ZC3H11A: variants seen among roughly 807,000 people sequenced by gnomAD.
ZC3H11A encodes zinc finger CCCH domain-containing protein 11A.
In ZC3H11A, 22 loss-of-function variants were observed where a neutral mutation model predicts 90.8. The observed-to-expected ratio is 0.24, with a 90% CI of 0.17 to 0.35. The LOEUF is 0.35. Ranked by LOEUF, ZC3H11A falls within the 10% of genes least tolerant of loss-of-function variation. ZC3H11A has a pLI of 1.00. For missense variants in ZC3H11A, 701 were observed against 964.9 expected (o/e 0.73, Z 3.62); for synonymous variants, 294 against 339.8 (o/e 0.87, Z 1.48).
intron 12 of ZC3H11A, among the ~76,000 whole-genome samples, chr1:203,840,921 A>G (rs2103246775): frequency 6.6e-6 from 1 of 152,298 alleles, no homozygotes; most frequent in African/African-American, 2.4e-5. Flanking sequence ...GGCACGAGCC[A>G]CCGCACCCGG....
intron 2 of ZC3H11A, among the ~76,000 whole-genome samples, chr1:203,815,306 C>A (rs140895203): frequency 1.5e-4 from 22 of 142,262 alleles, no homozygotes; most frequent in African/African-American, 5.3e-4. Flanking sequence ...CCTCTGCCTC[C>A]TGGGTTCAAG....
intron 17 of ZC3H11A, 32 bp from the exon 18 acceptor site, chr1:203,852,109 G>A (rs1689456673): frequency 6.2e-7 from 1 of 1,611,494 alleles, no homozygotes; most frequent in Non-Finnish European, 8.5e-7. Context: ...TTTTAAAACG[G>A]CAGTTTTCTA....
At position 203,833,871 on chromosome 1, in the gene ZC3H11A, T is replaced by C; in HGVS notation, c.874+18T>C. The C allele has an allele frequency of 6.2e-7, 1 of 1,600,494 alleles. No homozygotes were observed. Among genetic ancestry groups the C allele is most frequent in the Non-Finnish European group, 8.5e-7 (1 of 1,173,616 alleles). ...TTCAGCAGGTAAGATAAGTTTTGTGTATATCTTTTCTTTTCTACTTGTTTG... is the reference window on the plus strand; with the variant it reads ...TTCAGCAGGTAAGATAAGTTTTGTGCATATCTTTTCTTTTCTACTTGTTTG... On this transcript the variant is annotated intron_variant, in intron 10 of 17. Coordinates refer to ENST00000367210, the MANE Select transcript of ZC3H11A (RefSeq NM_001376342.1).
intron 17 of ZC3H11A, 96 bp downstream of exon 17, chr1:203,851,220 C>G (rs2103467454): frequency 4.5e-6 from 5 of 1,102,614 alleles, no homozygotes; most frequent in Non-Finnish European, 6.5e-6. Context: ...TAGCAACATT[C>G]AAATAAATCT....
At chr1:203,804,730 T>C (rs1302791116) in intron 2 of ZC3H11A, among the ~76,000 whole-genome samples, 1 of 151,104 alleles carries the variant, frequency 6.6e-6, no homozygotes, top group Non-Finnish European at 1.5e-5. Flanking sequence ...TGGAGTGCAA[T>C]GGTGCTGTCT....
intron 2 of ZC3H11A, among the ~76,000 whole-genome samples, chr1:203,807,942 A>G (rs77803457): frequency 0.076 from 11,585 of 151,590 alleles, 1,179 homozygotes; most frequent in East Asian, 0.4. Flanking sequence ...AGGTCTCATT[A>G]TGTTGCCCAG....
chr1:203,840,262 G>A (rs1441321963), intron 11 of ZC3H11A, 44 bp from the exon 12 acceptor site: 1 of 1,592,132 alleles, frequency 6.3e-7, no homozygotes, highest in Non-Finnish European at 8.6e-7. Context: ...GCTGTAAAAA[G>A]TTTCTGTTCA....
intron 1 of ZC3H11A, chr1:203,796,055 C>T (rs1468504225): frequency 6.7e-6 from 1 of 149,688 alleles, no homozygotes; most frequent in Non-Finnish European, 1.5e-5. Flanking sequence ...CCCACCCCCA[C>T]GGCGCCTGCT....
chr1:203,815,485 C>T (rs1242315489), intron 2 of ZC3H11A, among the ~76,000 whole-genome samples: 1 of 150,866 alleles, frequency 6.6e-6, no homozygotes, highest in Admixed American at 6.6e-5. Context: ...TCCCAGAGTG[C>T]TGGGATTATA....
At chr1:203,821,433 T>A (rs1311813137) in intron 4 of ZC3H11A, among the ~76,000 whole-genome samples, 1 of 152,208 alleles carries the variant, frequency 6.6e-6, no homozygotes, top group Non-Finnish European at 1.5e-5. Context: ...TCATTACTTT[T>A]ATGCTCCGAT....
At position 203,828,242 on chromosome 1, in the gene ZC3H11A, A is replaced by G. The variant is rs919053218; in HGVS notation, c.175-57A>G. 3 of 1,603,162 alleles carry G rather than the reference A, an allele frequency of 1.9e-6. No individual in the cohort carries two copies. In the South Asian group the frequency reaches 3.3e-5, roughly 18 times the overall value. On this transcript the variant is annotated intron_variant, in intron 4 of 17. Transcript: ENST00000367210. ...AACTTTGTCTAGAAAACAAACTGCC[A>G]CATGAATATACGTATCACTGTTTTA...
At chr1:203,846,861 G>A (rs973265687) in intron 12 of ZC3H11A, among the ~76,000 whole-genome samples, 6 of 151,956 alleles carry the variant, frequency 3.9e-5, no homozygotes, top group Admixed American at 1.3e-4. Flanking sequence ...ACAATTAGCC[G>A]GGCTTGGTGG....
At position 203,822,153 on chromosome 1, in the gene ZC3H11A, C is replaced by T. The variant is rs1241394200; in HGVS notation, c.174+3464C>T. ...CCACAGGACTTAGTCTAGACTTCTC[C>T]TTTTCCATACCTGTAACTCTTCTCC... On this transcript the variant is annotated intron_variant, in intron 4 of 17. Coordinates refer to ENST00000367210, the MANE Select transcript of ZC3H11A (RefSeq NM_001376342.1). Among the ~76,000 whole-genome samples the T allele has an allele frequency of 1.3e-5, 2 of 152,150 alleles. 1 individual carries two copies. The highest frequency in any genetic ancestry group is 3.8e-4 in the East Asian group (2 of 5,196).
chr1:203,807,822 G>T (rs931262530), intron 2 of ZC3H11A, among the ~76,000 whole-genome samples: 5 of 152,098 alleles, frequency 3.3e-5, no homozygotes. Flanking sequence ...GCTCACTGCA[G>T]CCTCGACCTC....
intron 10 of ZC3H11A, among the ~76,000 whole-genome samples, chr1:203,837,516 T>C (rs1160777279): frequency 1.3e-5 from 2 of 151,862 alleles, no homozygotes; most frequent in African/African-American, 2.4e-5. Context: ...TGTAGTATTA[T>C]GATCATAGCT....
chr1:203,851,326 A>ATGTTTTTT (rs1026884444), intron 17 of ZC3H11A, among the ~76,000 whole-genome samples: 1 of 152,062 alleles, frequency 6.6e-6, no homozygotes, highest in Admixed American at 6.5e-5. Flanking sequence ...TACCTAAAAG[A>ATGTTTTTT]TGTTTTTTTG....
chr1:203,850,912 A>G, intron 16 of ZC3H11A, 145 bp from the exon 17 acceptor site: 7 of 1,199,070 alleles, frequency 5.8e-6, no homozygotes, highest in South Asian at 5.8e-5. Flanking sequence ...GCTTATTTAT[A>G]TACTCAACCT....
At chr1:203,799,293 G>A in intron 1 of ZC3H11A, 1 of 720,692 alleles carries the variant, frequency 1.4e-6, no homozygotes, top group Non-Finnish European at 2.5e-6. Flanking sequence ...TTTAAATATG[G>A]TCATTCAGGA....
chr1:203,798,334 A>T, intron 1 of ZC3H11A: 1 of 1,535,976 alleles, frequency 6.5e-7, no homozygotes, highest in Non-Finnish European at 8.7e-7. Flanking sequence ...GCCGTTTGGA[A>T]TTTTTTTTAC....
Sources: allele counts gnomAD v4.1 joint callset (sites outside exome capture counted in the v4.1 genomes callset), GRCh38; gene constraint gnomAD v4.1.1; transcripts MANE v1.5; gene names NCBI Gene and HGNC (gene_info 2026-07-23, HGNC 2026-07-21).